TDRD1: variants seen among roughly 807,000 people sequenced by gnomAD.
TDRD1 encodes tudor domain containing 1, also known as tudor domain-containing protein 1.
Under a neutral mutation model 140.6 loss-of-function variants are expected in TDRD1, and 37 were observed. The ratio of observed to expected loss-of-function variants is 0.26; its 90% CI spans 0.20 to 0.35. The LOEUF is 0.35. TDRD1 is among the 10% of genes least tolerant of loss of function. TDRD1 has a pLI of 1.00. For missense variants in TDRD1, 1,243 were observed against 1,393.0 expected (o/e 0.89, Z 1.71); for synonymous variants, 506 against 475.7 (o/e 1.06, Z -0.83).
At chr10:114,226,379 A>G (rs2036438497) in intron 22 of TDRD1, among the ~76,000 whole-genome samples, 163 bp downstream of exon 22, 1 of 151,990 alleles carries the variant, frequency 6.6e-6, no homozygotes, top group Non-Finnish European at 1.5e-5. Flanking sequence ...TTTATTCTTT[A>G]TCGAATTCTC....
chr10:114,208,240 GT>G (rs1433375572), intron 11 of TDRD1, among the ~76,000 whole-genome samples: 1 of 152,156 alleles, frequency 6.6e-6, no homozygotes, highest in African/African-American at 2.4e-5. Context: ...GTGTTAAGGG[GT>G]TTGGACATGA....
chr10:114,229,192 T>C (rs2036613088), intron 25 of TDRD1, among the ~76,000 whole-genome samples: 3 of 152,236 alleles, frequency 2.0e-5, no homozygotes, highest in African/African-American at 7.2e-5. Flanking sequence ...AAAGGAACTT[T>C]GATTTACTTA....
rs1227910751 is a variant in TDRD1, at chr10:114,210,684, T to C, written c.1488T>C (p.Phe496=). The stretch of plus-strand genomic sequence containing the variant: ...TAACTTTGAATGTAGGTGATGAGTT[T>C]TGTGGTGTGGTTGCCCACATTCAAA... The change falls in exon 12 of 26, where the codon TTT becomes TTC. Residue 496 remains phenylalanine, a synonymous_variant. Coordinates refer to ENST00000251864, the Ensembl canonical transcript of TDRD1. The C allele has an allele frequency of 2.5e-6, 4 of 1,613,028 alleles. No homozygotes were observed. In the Admixed American group the frequency reaches 6.7e-5, roughly 27 times the overall value.
At chr10:114,190,909 C>G in intron 2 of TDRD1, 52 bp from the exon 3 acceptor site, 1 of 1,534,216 alleles carries the variant, frequency 6.5e-7, no homozygotes, top group South Asian at 1.1e-5. Context: ...TCATTATTAG[C>G]AATAAAAAGT....
chr10:114,226,242 T>C (rs921652323), intron 22 of TDRD1, 26 bp downstream of exon 22: 1 of 1,564,836 alleles, frequency 6.4e-7, no homozygotes, highest in East Asian at 2.3e-5. Flanking sequence ...ACTTTCCAAT[T>C]TAGGTTTCTG....
At chr10:114,213,951 C>A in intron 15 of TDRD1, 26 bp from the exon 16 acceptor site, 1 of 1,613,080 alleles carries the variant, frequency 6.2e-7, no homozygotes, top group Admixed American at 1.7e-5. Context: ...CCACTATGTC[C>A]ATTTAATGTT....
upstream of TDRD1, among the ~76,000 whole-genome samples, chr10:114,177,935 C>T (rs1032859423): frequency 6.6e-6 from 1 of 150,592 alleles, no homozygotes; most frequent in Admixed American, 6.7e-5. Context: ...TGGGTGCAGG[C>T]GATTCTCCTG....
At chr10:114,204,694 T>C (rs746209179) in intron 9 of TDRD1, 28 bp from the exon 10 acceptor site, 45 of 1,565,894 alleles carry the variant, frequency 2.9e-5, no homozygotes, top group Non-Finnish European at 3.7e-5. Context: ...TGGTAATTTT[T>C]GTAAGTAACC....
At chr10:114,219,037 T>C (rs1376560017) in intron 18 of TDRD1, among the ~76,000 whole-genome samples, 1 of 152,066 alleles carries the variant, frequency 6.6e-6, no homozygotes, top group Admixed American at 6.6e-5. Context: ...TTTTGTAGGG[T>C]TGTTGGGAGG....
chr10:114,213,981 C>A (rs2035650120), exon 16 of TDRD1: 1 of 1,613,882 alleles, frequency 6.2e-7, no homozygotes, highest in East Asian at 2.2e-5. Context: ...TCACAGTTCC[C>A]TTGGGTGTGG....
chr10:114,194,796 T>C (rs2034229477), intron 3 of TDRD1, among the ~76,000 whole-genome samples: 1 of 150,704 alleles, frequency 6.6e-6, no homozygotes, highest in Non-Finnish European at 1.5e-5. Flanking sequence ...TCTCCCTCTG[T>C]CATCCAGGCT....
At chr10:114,231,802 G>A (rs992540539) in exon 26 of TDRD1, 5 of 339,990 alleles carry the variant, frequency 1.5e-5, no homozygotes, top group African/African-American at 4.3e-5. Context: ...TAAAGGTACC[G>A]AAGGAAGGCC....
intron 18 of TDRD1, 99 bp from the exon 19 acceptor site, chr10:114,220,469 C>A: frequency 2.6e-6 from 2 of 772,280 alleles, no homozygotes; most frequent in Non-Finnish European, 4.3e-6. Flanking sequence ...GAATTGCTGA[C>A]CTGAAAGTAA....
chr10:114,177,120 C>T (rs2119822429), upstream of TDRD1, among the ~76,000 whole-genome samples: 1 of 152,162 alleles, frequency 6.6e-6, no homozygotes, highest in Non-Finnish European at 1.5e-5. Context: ...ATATCCGAGT[C>T]CGTTATTAAA....
chr10:114,211,428 AGGCCCGGT>A (rs2035477209), intron 13 of TDRD1, among the ~76,000 whole-genome samples: 2 of 152,208 alleles, frequency 1.3e-5, no homozygotes, highest in African/African-American at 4.8e-5. Context: ...TGCCGAAGAG[AGGCCCGGT>A]GGCCTCATGG....
chr10:114,222,607 A>G lies in TDRD1; in HGVS notation c.2911A>G (p.Met971Val), dbSNP rs754735878. Residue 971 changes from methionine (M) to valine (V), a missense_variant, in exon 21 of 26, where the codon ATG (methionine) becomes GTG (valine). Physicochemically the swap from Met to Val is conservative, Grantham distance 21 (BLOSUM62 1). Around this residue, in one of 5 missense-constraint regions of TDRD1, gnomAD observed 601 missense variants for 734.7 expected, o/e 0.82. Coordinates refer to ENST00000251864, the Ensembl canonical transcript of TDRD1. ...TTTAGAAAATCAGGAAAAGCTGTGC[A>G]TGTTGACAGCTGAATTATTAGAATA... The G allele has an allele frequency of 8.1e-6, 13 of 1,610,090 alleles. No homozygotes were observed. In the South Asian group the frequency reaches 8.9e-5, roughly 11 times the overall value.
rs377212325 is a variant in TDRD1 at position 114,210,847 on chromosome 10, T to C, written c.1553-13T>C. On this transcript the variant is annotated splice_polypyrimidine_tract_variant and intron_variant, in intron 12 of 25. Transcript: ENST00000251864. Reference sequence around the variant, plus strand: ...AGATACGTATTTCTTTAAGATGTGATCTTTATCTGCAGGAAAGCTTGCTGA... The same window carrying C: ...AGATACGTATTTCTTTAAGATGTGACCTTTATCTGCAGGAAAGCTTGCTGA... The C allele has an allele frequency of 3.2e-5, 52 of 1,613,904 alleles. No homozygotes were observed. Among genetic ancestry groups the C allele is most frequent in the Non-Finnish European group, 4.3e-5 (51 of 1,179,922 alleles).
At position 114,213,579 on chromosome 10, in the gene TDRD1, GA is replaced by G. The variant is rs1383824381; in HGVS notation, c.2068del (p.Thr690ProfsTer11). On this transcript the variant is annotated frameshift_variant, in exon 15 of 26. Coordinates refer to ENST00000251864, the Ensembl canonical transcript of TDRD1. LOFTEE classifies it high-confidence loss of function. ...GACAGATAAACCCAGTGACGTGAAA[GA>G]AACCAGTGGTAAGTCAAATGTTTAC... 1 of 1,613,518 alleles carries G rather than the reference GA, an allele frequency of 6.2e-7. No homozygotes were observed. Among genetic ancestry groups the G allele is most frequent in the Non-Finnish European group, 8.5e-7 (1 of 1,179,662 alleles).
At position 114,192,292 on chromosome 10, in the gene TDRD1, C is replaced by CTTTTTTTTT. The variant is rs938140798; in HGVS notation, c.384+1294_384+1302dup. On this transcript the variant is annotated intron_variant, in intron 3 of 25. Coordinates refer to ENST00000251864, the Ensembl canonical transcript of TDRD1. ...TCCCCAAAAAAGTTTGATAGTTTTC[C>CTTTTTTTTT]TTTTTTTTTTTTTTTTTTTTTTTTT... is the stretch of plus-strand genomic sequence containing the variant. Among the ~76,000 whole-genome samples the CTTTTTTTTT allele has an allele frequency of 3.9e-3, 290 of 75,106 alleles. 37 individuals are homozygous for CTTTTTTTTT. Among genetic ancestry groups the CTTTTTTTTT allele is most frequent in the Middle Eastern group, 0.017 (2 of 120 alleles). The allele number at this position is 75,106 out of a possible 152,430, so 49.3% of individuals were successfully genotyped here.
Sources: gnomAD v4.1 joint callset for allele counts (sites outside exome capture counted in the v4.1 genomes callset) on GRCh38, gnomAD v4.1.1 for gene constraint, gnomAD v4.1.1 regional missense constraint, MANE v1.5 for transcripts, NCBI Gene and HGNC (gene_info 2026-07-23, HGNC 2026-07-21) for gene names.